The following TEK variants were observed in gnomAD, a reference collection of about 807,000 sequenced individuals.
The protein encoded by TEK is angiopoietin-1 receptor.
In TEK, 43 loss-of-function variants were observed where a neutral mutation model predicts 131.8. The observed-to-expected ratio is 0.33, with a 90% CI of 0.26 to 0.42. TEK has a LOEUF of 0.42. TEK is among the 10% of genes least tolerant of loss of function. The pLI is 1.00. For synonymous variants in TEK, 580 were observed against 491.6 expected, an observed-to-expected ratio of 1.18 and a Z score of -2.38; for missense variants, 1,162 against 1,384.4, an observed-to-expected ratio of 0.84 and a Z score of 2.55.
chr9:27,140,085 C>T (rs77450023), intron 1 of TEK, among the ~76,000 whole-genome samples: 2,452 of 152,206 alleles, frequency 0.016, 72 homozygotes, highest in African/African-American at 0.055. Context: ...CCATTTTAAT[C>T]GGTTGGTCCA....
Position 27,228,324 on chromosome 9 carries a change from CAGG to C in TEK, c.3300+22_3300+24del. 2 of 1,586,304 alleles carry C rather than the reference CAGG, an allele frequency of 1.3e-6. No homozygotes were observed. Among genetic ancestry groups the C allele is most frequent in the Non-Finnish European group, 1.7e-6 (2 of 1,155,648 alleles). On this transcript the variant is annotated intron_variant, in intron 22 of 22. Transcript: ENST00000380036. Reference sequence around the variant, plus strand: ...GCGAAAGGTAAGTATTAAAGTCAGGCAGGAGATCTTTAATTGGAATACCTGATG... The same window carrying C: ...GCGAAAGGTAAGTATTAAAGTCAGGCAGATCTTTAATTGGAATACCTGATG...
Position 27,229,643 on chromosome 9 carries a change from A to G in TEK, c.*411A>G, listed in dbSNP as rs1225334381. The G allele has an allele frequency of 1.6e-5, 4 of 243,816 alleles. No homozygotes were observed. The highest frequency in any genetic ancestry group is 5.8e-5 in the South Asian group (1 of 17,262). 15.1% of individuals were successfully genotyped at this position (243,816 alleles called of 1,614,324 possible). A position where few individuals can be genotyped will look rare whatever the true frequency, so the allele number is the denominator to read the frequency against. ...TAAAATATTGTTAATAAACCTAACA[A>G]TGACCCTGATAGTACAGGTTAAGTG... is the stretch of plus-strand genomic sequence containing the variant. On this transcript the variant is annotated 3_prime_UTR_variant, in exon 23 of 23. Transcript: ENST00000380036.
In TEK at chr9:27,225,567, T is replaced by A. The variant is rs1826288158; in HGVS notation, c.3201-2639T>A. On this transcript the variant is annotated intron_variant, in intron 21 of 22. Transcript: ENST00000380036. ...GAAAACTGAAATTGGACCCCTTCCT[T>A]ACACCTTATAAAAAATTAACTCGAG... is the stretch of plus-strand genomic sequence containing the variant. 2.0e-5 allele frequency among the ~76,000 whole-genome samples: 3 copies of A among 152,306 alleles called. No individual in the cohort carries two copies. The South Asian group carries it at 6.2e-4, about 32-fold the overall frequency.
intron 4 of TEK, among the ~76,000 whole-genome samples, chr9:27,170,763 TC>T (rs1823926158): frequency 6.6e-6 from 1 of 152,128 alleles, no homozygotes; most frequent in African/African-American, 2.4e-5. Flanking sequence ...TTCTTTCACT[TC>T]CAAATTTTGA....
At chr9:27,156,351 T>C (rs943740519) in intron 1 of TEK, among the ~76,000 whole-genome samples, 1 of 151,956 alleles carries the variant, frequency 6.6e-6, no homozygotes, top group Non-Finnish European at 1.5e-5. Flanking sequence ...GTAAATAAAA[T>C]AATCACAAAT....
chr9:27,172,510 T>G (rs943041400), intron 4 of TEK, 106 bp from the exon 5 acceptor site: 20 of 1,483,956 alleles, frequency 1.3e-5, no homozygotes, highest in East Asian at 2.3e-5. Flanking sequence ...TATTTTATCT[T>G]TATTCACCAT....
intron 6 of TEK, among the ~76,000 whole-genome samples, chr9:27,175,934 A>G (rs1468328957): frequency 2.6e-5 from 4 of 152,028 alleles, no homozygotes; most frequent in Non-Finnish European, 1.5e-5. Flanking sequence ...CCCATTTTGT[A>G]GGTTGCCTGT....
At chr9:27,154,779 C>T (rs577976041) in intron 1 of TEK, among the ~76,000 whole-genome samples, 121 of 152,222 alleles carry the variant, frequency 7.9e-4, no homozygotes, top group African/African-American at 1.5e-3. Flanking sequence ...AAGAGGTCTT[C>T]CTTAACCGGC....
chr9:27,121,737 T>C (rs911888695), intron 1 of TEK, among the ~76,000 whole-genome samples: 18 of 152,100 alleles, frequency 1.2e-4, no homozygotes, highest in Admixed American at 1.2e-3. Context: ...ACAGGTGATA[T>C]GTAGACTCAG....
At chr9:27,157,698 G>A (rs1823385229) in intron 1 of TEK, 133 bp from the exon 2 acceptor site, 2 of 1,081,206 alleles carry the variant, frequency 1.8e-6, no homozygotes, top group South Asian at 1.3e-5. Flanking sequence ...GTGGAAGATA[G>A]GCACATGGTC....
At chr9:27,135,984 G>C (rs1189290131) in intron 1 of TEK, among the ~76,000 whole-genome samples, 1 of 152,024 alleles carries the variant, frequency 6.6e-6, no homozygotes, top group Non-Finnish European at 1.5e-5. Flanking sequence ...TTCTGAGATA[G>C]CCACTGTTAA....
chr9:27,161,916 TTA>T (rs1410574673), intron 2 of TEK, among the ~76,000 whole-genome samples: 1 of 152,242 alleles, frequency 6.6e-6, no homozygotes, highest in Admixed American at 6.5e-5. Flanking sequence ...TAACAACTGA[TTA>T]TTGTAATTTC....
At chr9:27,227,752 A>C (rs928498852) in intron 21 of TEK, among the ~76,000 whole-genome samples, 9 of 152,304 alleles carry the variant, frequency 5.9e-5, no homozygotes, top group African/African-American at 1.9e-4. Context: ...TTTGGGTGGC[A>C]TGAACATTCA....
intron 14 of TEK, among the ~76,000 whole-genome samples, chr9:27,206,080 GGC>G (rs1293087459): frequency 6.6e-6 from 1 of 152,190 alleles, no homozygotes; most frequent in East Asian, 1.9e-4. Flanking sequence ...ATCATCTTGT[GGC>G]CAGAGTGGAC....
At chr9:27,140,208 G>A (rs934122260) in intron 1 of TEK, among the ~76,000 whole-genome samples, 2 of 151,274 alleles carry the variant, frequency 1.3e-5, no homozygotes, top group South Asian at 2.1e-4. Flanking sequence ...CAATGCAGGT[G>A]ATTTCACTTG....
At chr9:27,179,441 G>T (rs76722203) in intron 6 of TEK, among the ~76,000 whole-genome samples, 18,471 of 152,006 alleles carry the variant, frequency 0.12, 1,339 homozygotes, top group Admixed American at 0.23. Context: ...ATCACAGTTG[G>T]TCTCTATTTA....
At chr9:27,221,241 G>C (rs1826064338) in intron 21 of TEK, among the ~76,000 whole-genome samples, 1 of 152,194 alleles carries the variant, frequency 6.6e-6, no homozygotes. Flanking sequence ...TCTGGGCAGG[G>C]CATCTCTGAA....
Position 27,212,700 on chromosome 9 carries a change from C to T in TEK, c.2687-7C>T. The T allele has an allele frequency of 1.2e-6, 2 of 1,614,088 alleles. No homozygotes were observed. Among genetic ancestry groups the T allele is most frequent in the Non-Finnish European group, 1.7e-6 (2 of 1,179,974 alleles). Reference sequence around the variant, plus strand: ...TGATGAGTCGATGCTCTCTTCCTTCCCTCCAGGCTACTTGTACCTGGCCAT... The same window carrying T: ...TGATGAGTCGATGCTCTCTTCCTTCTCTCCAGGCTACTTGTACCTGGCCAT... On this transcript the variant is annotated splice_region_variant and splice_polypyrimidine_tract_variant and intron_variant, in intron 16 of 22. Coordinates refer to ENST00000380036, the MANE Select transcript of TEK (RefSeq NM_000459.5).
chr9:27,186,711 G>A (rs1192121522), intron 9 of TEK, among the ~76,000 whole-genome samples: 1 of 152,180 alleles, frequency 6.6e-6, no homozygotes, highest in Non-Finnish European at 1.5e-5. Context: ...GGAGGAGACT[G>A]TGAGGTGACC....
Sources: gnomAD v4.1 joint callset for allele counts (sites outside exome capture counted in the v4.1 genomes callset) on GRCh38, gnomAD v4.1.1 for gene constraint, MANE v1.5 for transcripts, NCBI Gene and HGNC (gene_info 2026-07-23, HGNC 2026-07-21) for gene names.